LRP1B: variants seen among roughly 807,000 people sequenced by gnomAD.
LRP1B encodes low-density lipoprotein receptor-related protein 1B.
In LRP1B, 217 loss-of-function variants were observed where a neutral mutation model predicts 556.6. The ratio of observed to expected loss-of-function variants is 0.39; its 90% CI spans 0.35 to 0.44. The LOEUF (loss-of-function observed/expected upper bound fraction) is 0.44, where lower values mean the gene tolerates loss of function less well. Ranked by LOEUF, LRP1B falls within the 20% of genes least tolerant of loss-of-function variation. LRP1B has a pLI of 1.00. For missense variants in LRP1B, 5,053 were observed against 5,620.8 expected (o/e 0.90, Z 3.23); for synonymous variants, 2,047 against 1,865.8 (o/e 1.10, Z -2.50).
intron 1 of LRP1B, among the ~76,000 whole-genome samples, chr2:142,101,732 C>T (rs1031496676): frequency 2.2e-4 from 34 of 151,958 alleles, no homozygotes; most frequent in African/African-American, 7.7e-4. Context: ...TCTAATCACT[C>T]ACTTCATTCA....
intron 5 of LRP1B, among the ~76,000 whole-genome samples, chr2:141,239,397 C>T (rs554880381): frequency 9.9e-5 from 15 of 151,978 alleles, no homozygotes; most frequent in African/African-American, 2.9e-4. Flanking sequence ...TTTTTCTATG[C>T]AGGAAAAAGA....
At chr2:141,431,692 T>C (rs7424505) in intron 3 of LRP1B, among the ~76,000 whole-genome samples, 1 of 151,850 alleles carries the variant, frequency 6.6e-6, no homozygotes, top group Admixed American at 6.6e-5. Context: ...GTTTCTCATA[T>C]CTTTTATTAA....
chr2:141,382,300 C>G (rs1689670909), intron 3 of LRP1B, among the ~76,000 whole-genome samples: 1 of 152,164 alleles, frequency 6.6e-6, no homozygotes, highest in South Asian at 2.1e-4. Context: ...AATTCATAGC[C>G]CAGTAGTCTA....
chr2:140,990,876 A>C (rs535878929), intron 16 of LRP1B, among the ~76,000 whole-genome samples: 2 of 152,200 alleles, frequency 1.3e-5, no homozygotes, highest in African/African-American at 4.8e-5. Context: ...AAATGTTTAT[A>C]TTTGTTTTAC....
In LRP1B at chr2:141,221,435, T is replaced by C. The variant is rs76780552; in HGVS notation, c.850+7748A>G. ...CAAGTTCTTAGAGACGTACATAGTC[T>C]TTTACTCCCACACAATGATAGTGGG... On this transcript the variant is annotated intron_variant, in intron 6 of 90. Coordinates refer to ENST00000389484, the MANE Select transcript of LRP1B (RefSeq NM_018557.3). Among the ~76,000 whole-genome samples, 1,108 of 152,200 alleles carry C rather than the reference T, an allele frequency of 7.3e-3. 9 individuals carry two copies. The highest frequency in any genetic ancestry group is 0.025 in the African/African-American group (1,043 of 41,518).
At chr2:141,326,851 T>G (rs1228610765) in intron 3 of LRP1B, among the ~76,000 whole-genome samples, 3 of 152,154 alleles carry the variant, frequency 2.0e-5, no homozygotes, top group African/African-American at 7.2e-5. Flanking sequence ...ATTGAAGGGC[T>G]TTAGGCCCTA....
At chr2:141,937,391 T>A (rs182874709) in intron 1 of LRP1B, among the ~76,000 whole-genome samples, 332 of 149,690 alleles carry the variant, frequency 2.2e-3, no homozygotes, top group Non-Finnish European at 4.0e-3. Context: ...TCTCAAAAAA[T>A]AATAATAATA....
intron 3 of LRP1B, among the ~76,000 whole-genome samples, chr2:141,364,776 A>G (rs1013921536): frequency 2.0e-5 from 3 of 152,218 alleles, no homozygotes; most frequent in African/African-American, 7.2e-5. Context: ...GTGAAATTTG[A>G]ATCTGAAAAT....
chr2:140,420,227 A>G (rs941805167), intron 66 of LRP1B, among the ~76,000 whole-genome samples: 4 of 143,028 alleles, frequency 2.8e-5, no homozygotes, highest in African/African-American at 5.0e-5. Context: ...TCAGTTCAAT[A>G]AAAAAAAAGA....
intron 66 of LRP1B, among the ~76,000 whole-genome samples, chr2:140,417,893 A>G (rs1042385562): frequency 6.6e-6 from 1 of 152,232 alleles, no homozygotes; most frequent in African/African-American, 2.4e-5. Context: ...GTGTTCACGC[A>G]GCTCTGTGAG....
chr2:141,026,999 C>T (rs77771506), intron 11 of LRP1B, among the ~76,000 whole-genome samples: 5,227 of 151,906 alleles, frequency 0.034, 129 homozygotes, highest in Middle Eastern at 0.068. Context: ...ATGTGCCTAC[C>T]CTGCTTTGTA....
At chr2:141,128,846 C>A (rs1324005294) in intron 7 of LRP1B, among the ~76,000 whole-genome samples, 1 of 152,038 alleles carries the variant, frequency 6.6e-6, no homozygotes, top group Non-Finnish European at 1.5e-5. Flanking sequence ...AAAATGTATT[C>A]CTATTAATAT....
intron 41 of LRP1B, among the ~76,000 whole-genome samples, chr2:140,624,688 G>C (rs899688504): frequency 1.3e-5 from 2 of 152,068 alleles, no homozygotes; most frequent in African/African-American, 4.8e-5. Context: ...CCCTGTTGTT[G>C]TTGTTGTTTT....
At chr2:140,446,736 T>C (rs568394060) in intron 63 of LRP1B, among the ~76,000 whole-genome samples, 270 of 151,830 alleles carry the variant, frequency 1.8e-3, no homozygotes, top group African/African-American at 6.3e-3. Flanking sequence ...GAATAAAATA[T>C]AGAGGGAAAG....
intron 41 of LRP1B, among the ~76,000 whole-genome samples, chr2:140,675,568 A>G (rs1013625460): frequency 1.3e-5 from 2 of 152,174 alleles, no homozygotes; most frequent in African/African-American, 4.8e-5. Context: ...TTTTAATAAA[A>G]TATTTTAGTC....
At chr2:140,882,546 C>A (rs1262703319) in intron 25 of LRP1B, among the ~76,000 whole-genome samples, 1 of 152,268 alleles carries the variant, frequency 6.6e-6, no homozygotes, top group East Asian at 1.9e-4. Context: ...ATTTTGACAA[C>A]TAATTCAAGT....
chr2:140,475,137 C>T lies in LRP1B; in HGVS notation c.9625+1G>A, dbSNP rs1687917969. ...TAGAATATTTATGTTACTGGACCAA[C>T]CTTTGTGTCTATGAGATCCATCCAT... On this transcript the variant is annotated splice_donor_variant, in intron 60 of 90. Coordinates refer to ENST00000389484, the MANE Select transcript of LRP1B (RefSeq NM_018557.3). LOFTEE classifies it high-confidence loss of function. 6.5e-7 allele frequency: 1 copy of T among 1,549,248 alleles called. No homozygotes were observed. Among genetic ancestry groups the T allele is most frequent in the Non-Finnish European group, 8.7e-7 (1 of 1,143,824 alleles).
chr2:140,802,634 A>G (rs1406353782), intron 32 of LRP1B, among the ~76,000 whole-genome samples: 1 of 152,194 alleles, frequency 6.6e-6, no homozygotes, highest in Non-Finnish European at 1.5e-5. Flanking sequence ...GTGATGCTTT[A>G]TATGAGAAAA....
intron 1 of LRP1B, among the ~76,000 whole-genome samples, chr2:141,812,408 T>C (rs548471909): frequency 1.3e-5 from 2 of 152,246 alleles, no homozygotes; most frequent in South Asian, 2.1e-4. Flanking sequence ...ATTTTATCTA[T>C]AGCTACTTTG....
Sources: allele counts gnomAD v4.1 joint callset (sites outside exome capture counted in the v4.1 genomes callset), GRCh38; gene constraint gnomAD v4.1.1; transcripts MANE v1.5; gene names NCBI Gene and HGNC (gene_info 2026-07-23, HGNC 2026-07-21).